The following CCDC81 variants were observed in gnomAD, a reference collection of about 807,000 sequenced individuals.
CCDC81 encodes coiled-coil domain containing 81.
Under a neutral mutation model 83.7 loss-of-function variants are expected in CCDC81, and 79 were observed. The observed-to-expected ratio is 0.94, with a 90% CI of 0.79 to 1.14. The LOEUF (loss-of-function observed/expected upper bound fraction) is 1.14. Ranked by LOEUF, CCDC81 falls within the 50% of genes most tolerant of loss-of-function variation. The pLI, the probability that CCDC81 is intolerant of heterozygous loss-of-function variation, is 0.00. For synonymous variants in CCDC81, 252 were observed against 278.1 expected, an observed-to-expected ratio of 0.91 and a Z score of 0.93; for missense variants, 791 against 778.1, an observed-to-expected ratio of 1.02 and a Z score of -0.20.
chr11:86,415,257 G>A lies in CCDC81; in HGVS notation c.1635G>A (p.Leu545=). The change falls in exon 13 of 15, where the codon CTG becomes CTA. Residue 545 remains leucine, a synonymous_variant. Transcript: ENST00000445632. ...AAANHKRKAI[L]HQLVDQRRDL... ...CTAACCACAAGAGGAAAGCCATCCT[G>A]CATCAACTAGTGGACCAGAGGCGGG... The A allele has an allele frequency of 6.2e-7, 1 of 1,614,182 alleles. No homozygotes were observed. Among genetic ancestry groups the A allele is most frequent in the Non-Finnish European group, 8.5e-7 (1 of 1,180,030 alleles).
intron 1 of CCDC81, among the ~76,000 whole-genome samples, chr11:86,377,946 G>T (rs907621451): frequency 2.2e-5 from 3 of 138,968 alleles, no homozygotes; most frequent in Non-Finnish European, 4.6e-5. Flanking sequence ...TTTGTGAAAG[G>T]TGTAAGGTCT....
intron 7 of CCDC81, among the ~76,000 whole-genome samples, chr11:86,402,134 CAAAAAAA>C (rs540502448): frequency 1.1e-5 from 1 of 89,192 alleles, no homozygotes; most frequent in Admixed American, 1.4e-4. Flanking sequence ...GACTCTGTCT[CAAAAAAA>C]AAAAAAAAAA....
rs1555190676 is a variant in CCDC81, at chr11:86,388,210, C to CTCCCTCCT, written c.298+541_298+542insCTCCTTCC. 7.6e-5 allele frequency among the ~76,000 whole-genome samples: 11 copies of CTCCCTCCT among 144,416 alleles called. No homozygotes were observed. The East Asian group carries it at 2.2e-3, about 29-fold the overall frequency. The allele number at this position is 144,416 out of a possible 152,430, so 94.7% of individuals were successfully genotyped here. A position where few individuals can be genotyped will look rare whatever the true frequency, so the allele number is the denominator to read the frequency against. ...CCTCCTTTCCTCCTTCCCTCCTTCC[C>CTCCCTCCT]TCCTTCCTTCCTTCCTTCCTTCCTT... On this transcript the variant is annotated intron_variant, in intron 3 of 14. Transcript: ENST00000445632.
rs1022481494 is a variant in CCDC81 at position 86,407,486 on chromosome 11, A to G, written c.882-128A>G. 5 of 657,050 alleles carry G rather than the reference A, an allele frequency of 7.6e-6. 1 individual carries two copies. The South Asian group carries it at 9.4e-5, about 12-fold the overall frequency. 40.7% of individuals were successfully genotyped at this position (657,050 alleles called of 1,614,324 possible). On this transcript the variant is annotated intron_variant, in intron 7 of 14. Coordinates refer to ENST00000445632, the MANE Select transcript of CCDC81 (RefSeq NM_001156474.2). ...TCTGTGGTACATATTCTTAACCTCT[A>G]TACATATAGCTGTTTTGAAGTAAAC... is the stretch of plus-strand genomic sequence containing the variant.
rs191576584 is a variant in CCDC81 at position 86,375,060 on chromosome 11, G to C, written c.-104G>C. The C allele has an allele frequency of 2.9e-4, 287 of 981,552 alleles. No individual in the cohort carries two copies. Among genetic ancestry groups the C allele is most frequent in the Non-Finnish European group, 4.3e-4 (263 of 608,148 alleles). 60.8% of individuals were successfully genotyped at this position (981,552 alleles called of 1,614,324 possible). A position where few individuals can be genotyped will look rare whatever the true frequency, so the allele number is the denominator to read the frequency against. On this transcript the variant is annotated 5_prime_UTR_variant, in exon 1 of 15. Coordinates refer to ENST00000445632, the MANE Select transcript of CCDC81 (RefSeq NM_001156474.2). ...ATTTTTAAGGCACATCCAAAGCTCC[G>C]TGGAGAAGGGGCTGGAGGGTGGGAA...
chr11:86,407,155 T>A (rs1235541768), intron 7 of CCDC81, among the ~76,000 whole-genome samples: 1 of 152,256 alleles, frequency 6.6e-6, no homozygotes, highest in Non-Finnish European at 1.5e-5. Flanking sequence ...TTTATCATCA[T>A]GGAACATACT....
At chr11:86,419,337 C>G (rs1228893223) in intron 13 of CCDC81, 2 of 152,230 alleles carry the variant, frequency 1.3e-5, no homozygotes, top group Non-Finnish European at 2.9e-5. Context: ...GAATATCTCC[C>G]TTTGAAGACA....
intron 3 of CCDC81, among the ~76,000 whole-genome samples, chr11:86,391,959 G>C (rs1948336254): frequency 6.6e-6 from 1 of 152,122 alleles, no homozygotes; most frequent in East Asian, 1.9e-4. Flanking sequence ...AGGATGGAGG[G>C]AGGTGCTACA....
intron 4 of CCDC81, among the ~76,000 whole-genome samples, chr11:86,394,343 A>AC (rs1458799076): frequency 5.3e-5 from 8 of 152,246 alleles, no homozygotes; most frequent in Admixed American, 6.5e-5. Flanking sequence ...GTCAAAGCTG[A>AC]CTGAAAACTG....
chr11:86,405,785 C>CT lies in CCDC81; in HGVS notation c.882-1813dup, dbSNP rs146946869. On this transcript the variant is annotated intron_variant, in intron 7 of 14. Coordinates refer to ENST00000445632, the MANE Select transcript of CCDC81 (RefSeq NM_001156474.2). Reference sequence around the variant, plus strand: ...TGGTCACCATCATTTCTTCTTTTTTCTTTTTTTTTTTTTTTTGCCCAGGCT... The same window carrying CT: ...TGGTCACCATCATTTCTTCTTTTTTCTTTTTTTTTTTTTTTTTGCCCAGGCT... 4.0e-3 allele frequency among the ~76,000 whole-genome samples: 513 copies of CT among 128,582 alleles called. 3 individuals carry two copies. The highest frequency in any genetic ancestry group is 0.011 in the African/African-American group (373 of 34,790). The allele number at this position is 128,582 out of a possible 152,430, so 84.4% of individuals were successfully genotyped here.
Position 86,387,561 on chromosome 11 carries a change from A to C in CCDC81, c.187A>C (p.Lys63Gln). Residue 63 changes from lysine (K) to glutamine (Q), a missense_variant, in exon 3 of 15, where the codon AAG becomes CAG. Transcript: ENST00000445632. ...TGGAACTTTCACTTTCATAAGACAA[A>C]AGCTTGAGGTGGGAAACAACAAATT... ...AFGTFTFIRQKLEVGNNKFIL... is the reference protein window; with the variant it reads ...AFGTFTFIRQQLEVGNNKFIL... 1.2e-6 allele frequency: 2 copies of C among 1,614,040 alleles called. No individual in the cohort carries two copies. The highest frequency in any genetic ancestry group is 1.7e-6 in the Non-Finnish European group (2 of 1,179,952).
intron 11 of CCDC81, among the ~76,000 whole-genome samples, chr11:86,413,523 C>A (rs985431066): frequency 2.6e-5 from 4 of 152,276 alleles, no homozygotes; most frequent in African/African-American, 9.6e-5. Context: ...CCCTTCCCAG[C>A]ACTTCCCTTC....
At chr11:86,387,871 A>G (rs1948267062) in intron 3 of CCDC81, among the ~76,000 whole-genome samples, 199 bp downstream of exon 3, 1 of 152,206 alleles carries the variant, frequency 6.6e-6, no homozygotes, top group South Asian at 2.1e-4. Context: ...AAACCCCAGT[A>G]ACCTAAGAGG....
intron 4 of CCDC81, 81 bp from the exon 5 acceptor site, chr11:86,395,253 G>A (rs1029600857): frequency 8.8e-6 from 9 of 1,028,408 alleles, no homozygotes; most frequent in Non-Finnish European, 1.3e-5. Context: ...TGGTAGCCTT[G>A]CCTATGAGCC....
At chr11:86,421,983 GTAAC>G (rs2138549225) in intron 14 of CCDC81, among the ~76,000 whole-genome samples, 1 of 151,678 alleles carries the variant, frequency 6.6e-6, no homozygotes, top group African/African-American at 2.4e-5. Context: ...ACTGTTTTGC[GTAAC>G]GAAGAAAAAC....
chr11:86,404,219 C>T (rs1440772762), intron 7 of CCDC81, among the ~76,000 whole-genome samples: 3 of 152,116 alleles, frequency 2.0e-5, no homozygotes, highest in Non-Finnish European at 4.4e-5. Flanking sequence ...ATTTTGAGGC[C>T]TAAGAGAAGT....
intron 8 of CCDC81, 58 bp downstream of exon 8, chr11:86,407,759 C>G (rs996773102): frequency 1.5e-6 from 2 of 1,304,552 alleles, no homozygotes; most frequent in Admixed American, 1.8e-5. Flanking sequence ...TTTTGTTTCT[C>G]AAAGAGAGTT....
intron 1 of CCDC81, among the ~76,000 whole-genome samples, chr11:86,380,922 A>G (rs1419684148): frequency 3.3e-5 from 5 of 152,212 alleles, no homozygotes; most frequent in Non-Finnish European, 5.9e-5. Context: ...CATCCCTGCC[A>G]TGTCTGGCTC....
At chr11:86,381,890 T>C (rs1182157850) in intron 1 of CCDC81, among the ~76,000 whole-genome samples, 1 of 152,110 alleles carries the variant, frequency 6.6e-6, no homozygotes, top group Non-Finnish European at 1.5e-5. Context: ...TGGAATTAAG[T>C]AGATGAAATG....
Sources: gnomAD v4.1 joint callset for allele counts (sites outside exome capture counted in the v4.1 genomes callset) on GRCh38, gnomAD v4.1.1 for gene constraint, MANE v1.5 for transcripts, NCBI Gene and HGNC (gene_info 2026-07-23, HGNC 2026-07-21) for gene names.